The following AFG1L variants were observed in gnomAD, a reference collection of about 807,000 sequenced individuals.
AFG1L encodes AFG1-like ATPase.
AFG1L carries 53 observed loss-of-function variants against 62.2 expected under a neutral mutation model. The ratio of observed to expected loss-of-function variants is 0.85; its 90% CI spans 0.68 to 1.07. The LOEUF is 1.07. Ranked by LOEUF, AFG1L falls within the 50% of genes least tolerant of loss-of-function variation. AFG1L has a pLI of 0.00. For missense variants in AFG1L, 555 were observed against 590.5 expected (o/e 0.94, Z 0.62); for synonymous variants, 228 against 210.3 (o/e 1.08, Z -0.73).
intron 7 of AFG1L, among the ~76,000 whole-genome samples, chr6:108,445,389 T>C (rs1771727907): frequency 1.3e-5 from 2 of 152,194 alleles, no homozygotes; most frequent in South Asian, 4.1e-4. Flanking sequence ...CACTTTTCAT[T>C]TCCTTCAAGA....
At chr6:108,370,122 CAGTA>C (rs1418022372) in intron 6 of AFG1L, among the ~76,000 whole-genome samples, 2 of 49,588 alleles carry the variant, frequency 4.0e-5, no homozygotes, top group Non-Finnish European at 8.1e-5. Flanking sequence ...GAGAAGGATG[CAGTA>C]AGGTACAAGT....
chr6:108,435,726 C>T (rs887900736), intron 7 of AFG1L, among the ~76,000 whole-genome samples: 4 of 152,100 alleles, frequency 2.6e-5, no homozygotes, highest in African/African-American at 9.7e-5. Flanking sequence ...GCAGCCTTTT[C>T]AAAATCCTGC....
intron 8 of AFG1L, among the ~76,000 whole-genome samples, chr6:108,448,782 A>G (rs1771923294): frequency 6.6e-6 from 1 of 152,178 alleles, no homozygotes; most frequent in African/African-American, 2.4e-5. Flanking sequence ...ACCAACACTA[A>G]CAATGTCCAG....
intron 6 of AFG1L, among the ~76,000 whole-genome samples, chr6:108,398,684 AG>A (rs1781421776): frequency 6.6e-6 from 1 of 152,156 alleles, no homozygotes; most frequent in Admixed American, 6.5e-5. Context: ...CAGTTTTTCC[AG>A]CACTGTTTAA....
chr6:108,407,068 A>C (rs986799199), intron 7 of AFG1L, among the ~76,000 whole-genome samples: 1 of 152,090 alleles, frequency 6.6e-6, no homozygotes. Flanking sequence ...GTTGGCTGGG[A>C]TGAAAGTTCC....
intron 1 of AFG1L, among the ~76,000 whole-genome samples, chr6:108,316,282 G>A (rs1434736360): frequency 1.4e-5 from 2 of 140,704 alleles, no homozygotes; most frequent in Non-Finnish European, 3.1e-5. Context: ...TTGGGAGGCT[G>A]AGGCAGGAGA....
intron 8 of AFG1L, among the ~76,000 whole-genome samples, chr6:108,463,424 T>G (rs999254644): frequency 1.5e-5 from 2 of 135,896 alleles, no homozygotes; most frequent in Admixed American, 1.5e-4. Flanking sequence ...TTTTTTTTTT[T>G]GAAATCTTCA....
intron 7 of AFG1L, among the ~76,000 whole-genome samples, chr6:108,438,258 C>T (rs967635241): frequency 9.9e-5 from 15 of 152,152 alleles, no homozygotes; most frequent in African/African-American, 1.9e-4. Flanking sequence ...CATTTTCTCA[C>T]GGTTCTGGTG....
chr6:108,296,275 G>A (rs372495644), intron 1 of AFG1L, among the ~76,000 whole-genome samples: 9 of 152,184 alleles, frequency 5.9e-5, no homozygotes, highest in East Asian at 5.8e-4. Flanking sequence ...TGGAGTAGTC[G>A]TTAAAAGTAA....
chr6:108,328,806 A>T (rs1778159709), intron 2 of AFG1L, among the ~76,000 whole-genome samples: 2 of 152,092 alleles, frequency 1.3e-5, no homozygotes, highest in South Asian at 2.1e-4. Context: ...GGTGGTTTTT[A>T]AAAAAATCTT....
At chr6:108,514,016 C>T (rs1438763794) in intron 11 of AFG1L, among the ~76,000 whole-genome samples, 4 of 152,186 alleles carry the variant, frequency 2.6e-5, no homozygotes, top group African/African-American at 9.7e-5. Context: ...CTGGAGTGGA[C>T]CTCCAGCAAA....
intron 8 of AFG1L, among the ~76,000 whole-genome samples, chr6:108,462,100 A>C (rs1477290860): frequency 6.6e-6 from 1 of 151,776 alleles, no homozygotes; most frequent in African/African-American, 2.4e-5. Context: ...GTCTCAAAAA[A>C]AGAAAAAAAA....
At position 108,462,738 on chromosome 6, in the gene AFG1L, A is replaced by G. The variant is rs538318787; in HGVS notation, c.891-14127A>G. ...ACACATGGACAAAATATCCAATTGT[A>G]TGGCCACAGTCATCTAGTAGAGTGT... is the stretch of plus-strand genomic sequence containing the variant. On this transcript the variant is annotated intron_variant, in intron 8 of 12. Coordinates refer to ENST00000368977, the MANE Select transcript of AFG1L (RefSeq NM_145315.5). Among the ~76,000 whole-genome samples, 5 of 152,362 alleles carry G rather than the reference A, an allele frequency of 3.3e-5. No homozygotes were observed. The South Asian group carries it at 8.3e-4, about 25-fold the overall frequency.
chr6:108,306,925 G>A (rs1029610350), intron 1 of AFG1L, among the ~76,000 whole-genome samples: 14 of 152,166 alleles, frequency 9.2e-5, no homozygotes, highest in Non-Finnish European at 2.1e-4. Context: ...TCTCACTTGC[G>A]ACTCTTAGAG....
intron 8 of AFG1L, among the ~76,000 whole-genome samples, chr6:108,450,365 T>C (rs971063909): frequency 2.8e-4 from 42 of 152,238 alleles, no homozygotes; most frequent in Non-Finnish European, 4.9e-4. Context: ...ATGATGAGCA[T>C]TTTTTCATGT....
intron 8 of AFG1L, among the ~76,000 whole-genome samples, chr6:108,448,818 G>A (rs1019401752): frequency 6.6e-6 from 1 of 152,034 alleles, no homozygotes. Flanking sequence ...ACCTACAAAG[G>A]ACACCAGGAA....
chr6:108,489,237 T>C (rs1773685270), intron 10 of AFG1L, among the ~76,000 whole-genome samples: 1 of 152,122 alleles, frequency 6.6e-6, no homozygotes, highest in East Asian at 1.9e-4. Context: ...CTGGAAAGTA[T>C]AAGGAGAAAT....
At chr6:108,411,160 C>A (rs1372071593) in intron 7 of AFG1L, among the ~76,000 whole-genome samples, 1 of 152,140 alleles carries the variant, frequency 6.6e-6, no homozygotes, top group Admixed American at 6.5e-5. Context: ...GCCTTGCTCA[C>A]TGCTAGCACA....
At chr6:108,417,782 A>G (rs927823914) in intron 7 of AFG1L, among the ~76,000 whole-genome samples, 3 of 152,162 alleles carry the variant, frequency 2.0e-5, no homozygotes, top group Non-Finnish European at 4.4e-5. Context: ...ATATTAATAA[A>G]ACTTAGGTAA....
Sources: allele counts gnomAD v4.1 joint callset (sites outside exome capture counted in the v4.1 genomes callset), GRCh38; gene constraint gnomAD v4.1.1; transcripts MANE v1.5; gene names NCBI Gene and HGNC (gene_info 2026-07-23, HGNC 2026-07-21).